The following BNC2 variants were observed in gnomAD, a reference collection of about 807,000 sequenced individuals.
The protein encoded by BNC2 is basonuclin zinc finger protein 2, also known as zinc finger protein basonuclin-2.
A neutral mutation model predicts 76.3 loss-of-function variants in BNC2; 20 were observed. The ratio of observed to expected loss-of-function variants is 0.26; its 90% CI spans 0.18 to 0.38. The LOEUF (loss-of-function observed/expected upper bound fraction) is 0.38. BNC2 is among the 10% of genes least tolerant of loss of function. The pLI is 1.00. For synonymous variants in BNC2, 582 were observed against 514.8 expected, an observed-to-expected ratio of 1.13 and a Z score of -1.77; for missense variants, 1,382 against 1,399.8, an observed-to-expected ratio of 0.99 and a Z score of 0.20.
chr9:16,779,959 G>A (rs576837678), intron 1 of BNC2, among the ~76,000 whole-genome samples: 8 of 152,248 alleles, frequency 5.3e-5, no homozygotes, highest in South Asian at 2.1e-4. Context: ...GAAACTGGCC[G>A]GGCGTGGTGG....
At position 16,571,988 on chromosome 9, in the gene BNC2, A is replaced by G. The variant is rs567464981; in HGVS notation, c.433+10995T>C. Among the ~76,000 whole-genome samples the G allele has an allele frequency of 1.3e-4, 20 of 152,262 alleles. No homozygotes were observed. The South Asian group carries it at 3.1e-3, about 24-fold the overall frequency. ...AACACCTCCCTAGCCAAGTTCTCCAAGCCAAACAGGTGTTTTCTTTTATGT... is the reference window on the plus strand; with the variant it reads ...AACACCTCCCTAGCCAAGTTCTCCAGGCCAAACAGGTGTTTTCTTTTATGT... On this transcript the variant is annotated intron_variant, in intron 4 of 6. Coordinates refer to ENST00000380672, the MANE Select transcript of BNC2 (RefSeq NM_017637.6).
intron 5 of BNC2, among the ~76,000 whole-genome samples, chr9:16,539,660 GAGGGAGGGAGGGAGGGAGGAAGGAAGGA>G (rs1818245755): frequency 4.6e-5 from 2 of 43,924 alleles, no homozygotes; most frequent in African/African-American, 9.0e-5. Flanking sequence ...AGAGAGAAGG[GAGGGAGGGAGGGAGGGAGGAAGGAAGGA>G]AGGGAGAAAG....
At chr9:16,545,350 C>G (rs1322633252) in intron 5 of BNC2, among the ~76,000 whole-genome samples, 1 of 152,142 alleles carries the variant, frequency 6.6e-6, no homozygotes, top group Non-Finnish European at 1.5e-5. Flanking sequence ...GTTAGCATTG[C>G]CTGGATACTT....
At chr9:16,819,316 AGCAGAAATG>A (rs1226421974) in intron 1 of BNC2, among the ~76,000 whole-genome samples, 1 of 152,242 alleles carries the variant, frequency 6.6e-6, no homozygotes, top group African/African-American at 2.4e-5. Context: ...CTACCATAGC[AGCAGAAATG>A]ATGCCCTAAT....
At chr9:16,749,967 A>C (rs1225945549) in intron 1 of BNC2, among the ~76,000 whole-genome samples, 4 of 152,196 alleles carry the variant, frequency 2.6e-5, no homozygotes, top group Non-Finnish European at 5.9e-5. Flanking sequence ...CATAAGCTCT[A>C]AGAACGAGGA....
rs774834108 is a variant in BNC2, at chr9:16,437,416, G to C, written c.778C>G (p.Leu260Val). Residue 260 changes from leucine to valine, a missense_variant, in exon 6 of 7, where the codon CTG (leucine) becomes GTG (valine). Transcript: ENST00000380672. Reference protein sequence around the residue: ...RFGETKSIVELMAIQEKEGQA... With the variant: ...RFGETKSIVEVMAIQEKEGQA... ...CCTTCTTTCTCCTGAATTGCCATCA[G>C]CTCCACAATGGATTTGGTTTCTCCA... 2 of 1,611,960 alleles carry C rather than the reference G, an allele frequency of 1.2e-6. No homozygotes were observed. Among genetic ancestry groups the C allele is most frequent in the African/African-American group, 1.3e-5 (1 of 74,916 alleles).
At chr9:16,818,434 A>T (rs897040716) in intron 1 of BNC2, among the ~76,000 whole-genome samples, 3 of 152,150 alleles carry the variant, frequency 2.0e-5, no homozygotes, top group Non-Finnish European at 4.4e-5. Flanking sequence ...AACGAAGGGA[A>T]GGGAGAGAGA....
At chr9:16,587,404 C>T (rs1236816820) in intron 3 of BNC2, among the ~76,000 whole-genome samples, 1 of 152,050 alleles carries the variant, frequency 6.6e-6, no homozygotes, top group Non-Finnish European at 1.5e-5. Flanking sequence ...CGATTCCATT[C>T]ACAGCAAGTT....
At chr9:16,476,160 T>A (rs951664904) in intron 5 of BNC2, 4 of 152,184 alleles carry the variant, frequency 2.6e-5, no homozygotes, top group Non-Finnish European at 4.4e-5. Flanking sequence ...CCATTCCTAG[T>A]TCCACTGCTA....
intron 2 of BNC2, among the ~76,000 whole-genome samples, chr9:16,730,824 G>C (rs1342628258): frequency 6.6e-6 from 1 of 152,100 alleles, no homozygotes; most frequent in Non-Finnish European, 1.5e-5. Flanking sequence ...CCTGCTAAAT[G>C]GATTTGCTCA....
chr9:16,454,490 G>A (rs976381213), intron 5 of BNC2, among the ~76,000 whole-genome samples: 2 of 152,202 alleles, frequency 1.3e-5, no homozygotes, highest in African/African-American at 2.4e-5. Context: ...GTTGTACAGA[G>A]ATGGGATCTC....
rs528340629 is a variant in BNC2, at chr9:16,504,704, A to G, written c.669+47826T>C. 2.5e-4 allele frequency among the ~76,000 whole-genome samples: 38 copies of G among 152,312 alleles called. No homozygotes were observed. The South Asian group carries it at 2.9e-3, about 12-fold the overall frequency. On this transcript the variant is annotated intron_variant, in intron 5 of 6. Coordinates refer to ENST00000380672, the MANE Select transcript of BNC2 (RefSeq NM_017637.6). ...ACAAATTAGAACTGTGGAACCAGCC[A>G]GGCACAGTAGGACATGCCTATAGTC... is the stretch of plus-strand genomic sequence containing the variant.
intron 3 of BNC2, among the ~76,000 whole-genome samples, chr9:16,702,679 G>A (rs1039262913): frequency 6.6e-6 from 1 of 152,036 alleles, no homozygotes; most frequent in African/African-American, 2.4e-5. Context: ...GCTTCCCAAG[G>A]GATAAAAACT....
intron 5 of BNC2, among the ~76,000 whole-genome samples, chr9:16,542,746 G>A (rs575048731): frequency 9.5e-4 from 144 of 152,278 alleles, no homozygotes; most frequent in African/African-American, 3.2e-3. Flanking sequence ...TTACACTTCC[G>A]TCAGCATTAC....
At chr9:16,690,547 T>C (rs542147323) in intron 3 of BNC2, among the ~76,000 whole-genome samples, 2 of 152,238 alleles carry the variant, frequency 1.3e-5, no homozygotes, top group African/African-American at 4.8e-5. Flanking sequence ...TTCAAATAAA[T>C]AAATACAACA....
At chr9:16,854,849 C>T (rs1337189267) in intron 1 of BNC2, among the ~76,000 whole-genome samples, 1 of 151,942 alleles carries the variant, frequency 6.6e-6, no homozygotes, top group Non-Finnish European at 1.5e-5. Flanking sequence ...ACTGTCAATA[C>T]TCTTACAAGC....
intron 5 of BNC2, among the ~76,000 whole-genome samples, chr9:16,542,366 AAGAGAGAAAGAAAAG>A (rs1386383927): frequency 3.9e-5 from 6 of 152,272 alleles, no homozygotes; most frequent in African/African-American, 1.4e-4. Flanking sequence ...GACTGAAAAA[AAGAGAGAAAGAAAAG>A]AGAGAGAAGA....
rs991985268 is a variant in BNC2 at position 16,621,358 on chromosome 9, T to C, written c.331-38273A>G. On this transcript the variant is annotated intron_variant, in intron 3 of 6. Transcript: ENST00000380672. ...TTCTCCCACAACACTGCCTGTAATG[T>C]GTCTGTGGTTAGCAAAACTGAGACA... 2.6e-5 allele frequency among the ~76,000 whole-genome samples: 4 copies of C among 152,162 alleles called. No individual in the cohort carries two copies. In the South Asian group the frequency reaches 8.3e-4, roughly 32 times the overall value.
At chr9:16,789,223 G>A (rs971197871) in intron 1 of BNC2, among the ~76,000 whole-genome samples, 10 of 151,992 alleles carry the variant, frequency 6.6e-5, no homozygotes, top group African/African-American at 1.9e-4. Flanking sequence ...GACTGGGGGT[G>A]GGAGGAGTTA....
Sources: allele counts gnomAD v4.1 joint callset (sites outside exome capture counted in the v4.1 genomes callset), GRCh38; gene constraint gnomAD v4.1.1; transcripts MANE v1.5; gene names NCBI Gene and HGNC (gene_info 2026-07-23, HGNC 2026-07-21).